Variants in HOMER1 observed in about 807,000 individuals in gnomAD.
The protein encoded by HOMER1 is homer protein homolog 1.
Under a neutral mutation model 48.9 loss-of-function variants are expected in HOMER1, and 3 were observed. The observed-to-expected ratio is 0.06, with a 90% CI of 0.03 to 0.16. HOMER1 has a LOEUF of 0.16. HOMER1 is among the 10% of genes least tolerant of loss of function. The pLI is 1.00. For missense variants in HOMER1, 247 were observed against 411.4 expected, an observed-to-expected ratio of 0.60 and a Z score of 3.46; for synonymous variants, 134 against 146.4, an observed-to-expected ratio of 0.92 and a Z score of 0.61.
chr5:79,504,275 A>G (rs950038957), intron 1 of HOMER1, among the ~76,000 whole-genome samples: 4 of 152,158 alleles, frequency 2.6e-5, no homozygotes, highest in Non-Finnish European at 5.9e-5. Context: ...AGTAGGAGGA[A>G]TCCTCAATCT....
chr5:79,439,795 T>C (rs1257869401), intron 4 of HOMER1, among the ~76,000 whole-genome samples: 1 of 152,218 alleles, frequency 6.6e-6, no homozygotes, highest in Non-Finnish European at 1.5e-5. Context: ...GTCTTATTTC[T>C]ACTTTTCATT....
intron 1 of HOMER1, among the ~76,000 whole-genome samples, chr5:79,477,101 T>C (rs1751801156): frequency 6.6e-6 from 1 of 152,086 alleles, no homozygotes; most frequent in South Asian, 2.1e-4. Context: ...ACCCCAACAT[T>C]ATAACATTAT....
intron 1 of HOMER1, among the ~76,000 whole-genome samples, chr5:79,484,719 G>A (rs182848025): frequency 2.0e-4 from 30 of 152,158 alleles, no homozygotes; most frequent in East Asian, 1.2e-3. Flanking sequence ...GATATACCTC[G>A]CAAATATCAA....
At chr5:79,380,938 C>T (rs960665211) in intron 8 of HOMER1, among the ~76,000 whole-genome samples, 1 of 151,942 alleles carries the variant, frequency 6.6e-6, no homozygotes, top group African/African-American at 2.4e-5. Context: ...GAGGATTGTC[C>T]CACCACTGCC....
chr5:79,395,529 G>A (rs1172067201), intron 8 of HOMER1, among the ~76,000 whole-genome samples: 2 of 152,118 alleles, frequency 1.3e-5, no homozygotes, highest in African/African-American at 4.8e-5. Flanking sequence ...ATATACAAAC[G>A]GCATTTAATA....
At chr5:79,443,422 G>C (rs1750792667) in intron 4 of HOMER1, among the ~76,000 whole-genome samples, 1 of 152,102 alleles carries the variant, frequency 6.6e-6, no homozygotes. Flanking sequence ...AGACAGTCTG[G>C]GAGTGGAGCT....
At chr5:79,449,520 T>C (rs1391968240) in intron 3 of HOMER1, among the ~76,000 whole-genome samples, 9 of 152,220 alleles carry the variant, frequency 5.9e-5, no homozygotes, top group Admixed American at 4.6e-4. Flanking sequence ...TCACCCAGGC[T>C]AGAGTGCAGT....
intron 1 of HOMER1, among the ~76,000 whole-genome samples, chr5:79,484,554 A>C (rs1752042395): frequency 6.6e-6 from 1 of 152,176 alleles, no homozygotes; most frequent in Non-Finnish European, 1.5e-5. Context: ...TCTCTTAGAA[A>C]ATAAATTAAA....
chr5:79,417,892 C>A (rs543379371), intron 5 of HOMER1, among the ~76,000 whole-genome samples: 2 of 152,102 alleles, frequency 1.3e-5, no homozygotes, highest in Non-Finnish European at 2.9e-5. Context: ...TGCTTATTAA[C>A]AGATTTTACC....
In HOMER1 at chr5:79,491,075, C is replaced by CAAAAAAAAAAAAA. The variant is rs10527802; in HGVS notation, c.5+21682_5+21694dup. On this transcript the variant is annotated intron_variant, in intron 1 of 8. Transcript: ENST00000334082. ...TTTTTGGCCTTCAGTAGTACCAAAG[C>CAAAAAAAAAAAAA]AAAAAAAAAAAAAAAAAAAAAAAAA... 4.0e-4 allele frequency among the ~76,000 whole-genome samples: 15 copies of CAAAAAAAAAAAAA among 37,254 alleles called. 3 individuals carry two copies. Among genetic ancestry groups the CAAAAAAAAAAAAA allele is most frequent in the Non-Finnish European group, 7.9e-4 (10 of 12,696 alleles). 24.4% of individuals were successfully genotyped at this position (37,254 alleles called of 152,430 possible). A position where few individuals can be genotyped will look rare whatever the true frequency, so the allele number is the denominator to read the frequency against.
At chr5:79,417,757 T>C (rs1277075842) in intron 5 of HOMER1, among the ~76,000 whole-genome samples, 1 of 152,218 alleles carries the variant, frequency 6.6e-6, no homozygotes, top group Non-Finnish European at 1.5e-5. Flanking sequence ...AAAATGCCAC[T>C]ATTTCCTTGC....
chr5:79,435,690 G>A (rs1296657152), intron 5 of HOMER1, among the ~76,000 whole-genome samples: 1 of 149,146 alleles, frequency 6.7e-6, no homozygotes, highest in African/African-American at 2.5e-5. Context: ...AATTAGCAGG[G>A]TGTGGTGGCG....
At chr5:79,500,793 T>C (rs1293355082) in intron 1 of HOMER1, among the ~76,000 whole-genome samples, 1 of 151,340 alleles carries the variant, frequency 6.6e-6, no homozygotes, top group Non-Finnish European at 1.5e-5. Context: ...CACAGCTAAT[T>C]TTTGCACTTT....
intron 1 of HOMER1, among the ~76,000 whole-genome samples, chr5:79,502,588 T>C (rs915089798): frequency 2.0e-5 from 3 of 152,198 alleles, no homozygotes; most frequent in Non-Finnish European, 2.9e-5. Flanking sequence ...CTTGAGGTCA[T>C]ACAGAACATC....
At chr5:79,425,918 A>G (rs541028568) in intron 5 of HOMER1, among the ~76,000 whole-genome samples, 1 of 152,238 alleles carries the variant, frequency 6.6e-6, no homozygotes, top group South Asian at 2.1e-4. Context: ...TGCTTTCTGA[A>G]AACACTTTTG....
intron 1 of HOMER1, among the ~76,000 whole-genome samples, chr5:79,478,159 T>C (rs1370389432): frequency 6.6e-6 from 1 of 152,228 alleles, no homozygotes; most frequent in African/African-American, 2.4e-5. Context: ...GAGTTCTTTC[T>C]ATTACTGTTC....
chr5:79,408,017 T>A (rs1244097284), intron 5 of HOMER1, among the ~76,000 whole-genome samples: 1 of 152,202 alleles, frequency 6.6e-6, no homozygotes, highest in East Asian at 1.9e-4. Context: ...ATTGTCCTAT[T>A]TTATTATTAG....
chr5:79,451,339 C>T (rs908310201), intron 2 of HOMER1, among the ~76,000 whole-genome samples: 1 of 152,064 alleles, frequency 6.6e-6, no homozygotes, highest in Admixed American at 6.6e-5. Flanking sequence ...AAAATTTCAA[C>T]ATTTTACACT....
chr5:79,495,972 G>GA (rs1427334474), intron 1 of HOMER1, among the ~76,000 whole-genome samples: 2 of 151,838 alleles, frequency 1.3e-5, no homozygotes, highest in South Asian at 2.1e-4. Context: ...AAGGGGAGTG[G>GA]AAAAAAAGGT....
Sources: allele counts gnomAD v4.1 joint callset (sites outside exome capture counted in the v4.1 genomes callset), GRCh38; gene constraint gnomAD v4.1.1; transcripts MANE v1.5; gene names NCBI Gene and HGNC (gene_info 2026-07-23, HGNC 2026-07-21).